Variants in RNF123 observed in about 807,000 individuals in gnomAD.
RNF123 encodes the protein ring finger protein 123, also known as E3 ubiquitin-protein ligase RNF123.
A neutral mutation model predicts 168.5 loss-of-function variants in RNF123; 86 were observed. The ratio of observed to expected loss-of-function variants is 0.51; its 90% CI spans 0.43 to 0.61. The LOEUF (loss-of-function observed/expected upper bound fraction) is 0.61, where lower values mean the gene tolerates loss of function less well. RNF123 is among the 20% of genes least tolerant of loss of function. The probability of loss-of-function intolerance (pLI) is 0.00; values close to 1 mark genes in which losing one functional copy is unlikely to be tolerated. For missense variants in RNF123, 1,419 were observed against 1,729.7 expected (o/e 0.82, Z 3.19); for synonymous variants, 666 against 689.1 (o/e 0.97, Z 0.52).
chr3:49,690,491 A>G (rs1029895712), intron 1 of RNF123, among the ~76,000 whole-genome samples: 1 of 152,246 alleles, frequency 6.6e-6, no homozygotes, highest in Non-Finnish European at 1.5e-5. Flanking sequence ...TGAGGGATAG[A>G]TGCACTAGGA....
chr3:49,709,230 C>T (rs1293578394), intron 26 of RNF123, among the ~76,000 whole-genome samples: 1 of 151,786 alleles, frequency 6.6e-6, no homozygotes, highest in South Asian at 2.1e-4. Context: ...CTCCCAGGTT[C>T]AAGCAATTCT....
At position 49,718,686 on chromosome 3, in the gene RNF123, G is replaced by A. The variant is rs775612321; in HGVS notation, c.3501-1825G>A. On this transcript the variant is annotated intron_variant, in intron 35 of 38. Transcript: ENST00000327697. ...CGCGGCTGTGCTGGAAGAAGCGCAC[G>A]CGGGACGCGGGTACCTTGAAGGCCA... 6.2e-7 allele frequency: 1 copy of A among 1,612,954 alleles called. No individual in the cohort carries two copies. Among genetic ancestry groups the A allele is most frequent in the South Asian group, 1.1e-5 (1 of 91,076 alleles).
At chr3:49,695,091 G>A (rs2054241708) in intron 3 of RNF123, among the ~76,000 whole-genome samples, 1 of 152,192 alleles carries the variant, frequency 6.6e-6, no homozygotes, top group African/African-American at 2.4e-5. Flanking sequence ...TTTGGGGTCA[G>A]GTACAAGAGT....
In RNF123 at chr3:49,716,190, A is replaced by G; in HGVS notation, c.3415+13A>G. On this transcript the variant is annotated intron_variant, in intron 34 of 38. Transcript: ENST00000327697. ...CTACGGCTGCCTGGTGAGGACCTAGATGCCCTGCACCCCAACACACTACAG... is the reference window on the plus strand; with the variant it reads ...CTACGGCTGCCTGGTGAGGACCTAGGTGCCCTGCACCCCAACACACTACAG... 6.2e-7 allele frequency: 1 copy of G among 1,613,152 alleles called. No homozygotes were observed. Among genetic ancestry groups the G allele is most frequent in the Non-Finnish European group, 8.5e-7 (1 of 1,179,554 alleles).
intron 23 of RNF123, 92 bp downstream of exon 23, chr3:49,705,274 C>A (rs957359468): frequency 3.5e-6 from 5 of 1,429,520 alleles, no homozygotes; most frequent in Non-Finnish European, 4.8e-6. Context: ...CACCCCATGC[C>A]CTCCCAGCCC....
chr3:49,715,361 A>G, intron 31 of RNF123: 1 of 610,370 alleles, frequency 1.6e-6, no homozygotes, highest in Non-Finnish European at 2.9e-6. Context: ...ACACAGCTGC[A>G]GCCTGGGGCT....
At chr3:49,691,008 A>G (rs536809988) in intron 1 of RNF123, 122 bp from the exon 2 acceptor site, 18 of 607,328 alleles carry the variant, frequency 3.0e-5, no homozygotes, top group South Asian at 2.3e-4. Context: ...CCCCTGCCCT[A>G]TGTGTTAGTG....
chr3:49,711,664 GAC>G (rs2080147293), intron 26 of RNF123, among the ~76,000 whole-genome samples: 1 of 152,210 alleles, frequency 6.6e-6, no homozygotes, highest in East Asian at 1.9e-4. Flanking sequence ...CGCACTCCAA[GAC>G]ACACGGGTGC....
intron 35 of RNF123, chr3:49,719,315 C>T (rs1204371515): frequency 1.2e-6 from 2 of 1,613,274 alleles, no homozygotes; most frequent in Non-Finnish European, 1.7e-6. Flanking sequence ...TCCTGCAGCC[C>T]TAGGCCAGTG....
rs776207744 is a variant in RNF123 at position 49,716,119 on chromosome 3, G to A, written c.3357G>A (p.Leu1119=). 4.1e-5 allele frequency: 66 copies of A among 1,613,654 alleles called. No homozygotes were observed. The South Asian group carries it at 6.2e-4, about 15-fold the overall frequency. ...RRLAQLLNQV[L]NRVTAERNLF... is the part of the protein sequence containing the mutation. ...CCTCACAGCTGCTAAACCAGGTGCT[G>A]AACCGGGTGACAGCTGAGAGGAACC... Residue 1119 remains leucine (L), a synonymous_variant, in exon 34 of 39, where the codon CTG becomes CTA. Transcript: ENST00000327697.
chr3:49,690,203 ACT>A lies in RNF123; in HGVS notation c.-37+600_-37+601del, dbSNP rs781196038. On this transcript the variant is annotated intron_variant, in intron 1 of 38. Transcript: ENST00000327697. The stretch of plus-strand genomic sequence containing the variant: ...GGCTAAGGCAGTGCTGCAGAGCGAA[ACT>A]CTAGACCTGCGCTGTCTAATAGAAC... Among the ~76,000 whole-genome samples the A allele has an allele frequency of 5.3e-5, 8 of 152,226 alleles. No homozygotes were observed. In the East Asian group the frequency reaches 7.7e-4, roughly 15 times the overall value.
At chr3:49,716,321 C>A (rs2080243985) in intron 34 of RNF123, 72 bp from the exon 35 acceptor site, 3 of 1,554,738 alleles carry the variant, frequency 1.9e-6, no homozygotes, top group South Asian at 1.1e-5. Context: ...GTAGAGAGGG[C>A]AGTGGGCAGG....
At position 49,721,197 on chromosome 3, in the gene RNF123, C is replaced by T. The variant is rs199933786; in HGVS notation, c.3837C>T (p.Asn1279=). ...CGHKSCKACI[N]QHLMNNKDCF... is the part of the protein sequence containing the mutation. ...TCCCCTGTTGTAGAGCCTGTATCAA[C>T]CAGCACCTGATGAACAACAAGGACT... The change falls in exon 39 of 39, where the codon AAC becomes AAT. Residue 1279 remains asparagine, a synonymous_variant. Transcript: ENST00000327697. The T allele has an allele frequency of 6.2e-7, 1 of 1,614,234 alleles. No individual in the cohort carries two copies. Among genetic ancestry groups the T allele is most frequent in the African/African-American group, 1.3e-5 (1 of 75,052 alleles).
chr3:49,698,821 C>A lies in RNF123; in HGVS notation c.637C>A (p.Leu213Met), dbSNP rs200446137. ...GGATGATGGCACTCTGTCCTTCTGC[C>A]TGTGAGTTTCCTATCTCTATGCACA... is the stretch of plus-strand genomic sequence containing the variant. ...DLDDGTLSFC[L>M]NGVSLGTAFE... is the part of the protein sequence containing the mutation. The change falls in exon 9 of 39, where the codon CTG (leucine) becomes ATG (methionine). Residue 213 changes from leucine to methionine, a missense_variant and splice_region_variant. Coordinates refer to ENST00000327697, the MANE Select transcript of RNF123 (RefSeq NM_022064.5). 4.3e-6 allele frequency: 7 copies of A among 1,613,946 alleles called. No individual in the cohort carries two copies. The Admixed American group carries it at 1.2e-4, about 27-fold the overall frequency.
Position 49,701,579 on chromosome 3 carries a change from AC to A in RNF123, c.1368del (p.Trp457GlyfsTer16). ...EAGLQELIPT[T>X]WWPHCSSREG... is the part of the protein sequence containing the mutation. ...CGGCCTGCAGGAGCTCATTCCCACC[AC>A]CTGGTGGCCCCACTGCTCCAGTAGG... On this transcript the variant is annotated frameshift_variant, in exon 16 of 39. Transcript: ENST00000327697. LOFTEE classifies it high-confidence loss of function. 1 of 1,613,692 alleles carries A rather than the reference AC, an allele frequency of 6.2e-7. No individual in the cohort carries two copies. The highest frequency in any genetic ancestry group is 2.2e-5 in the East Asian group (1 of 44,872).
chr3:49,701,858 G>A lies in RNF123; in HGVS notation c.1443G>A (p.Leu481=), dbSNP rs902734238. The change falls in exon 17 of 39, where the codon CTG becomes CTA. Residue 481 remains leucine, a synonymous_variant. Transcript: ENST00000327697. ...AGGAGGAGACCGCAGAGGAGCGGCT[G>A]CGGCGGCGAGCCTACGAACGGGGCT... ...EMKEETAEER[L]RRRAYERGCQ... 6 of 1,570,376 alleles carry A rather than the reference G, an allele frequency of 3.8e-6. No homozygotes were observed. The African/African-American group carries it at 4.0e-5, about 11-fold the overall frequency.
intron 12 of RNF123, 78 bp from the exon 13 acceptor site, chr3:49,700,149 C>A: frequency 1.3e-6 from 2 of 1,588,584 alleles, no homozygotes; most frequent in South Asian, 2.3e-5. Flanking sequence ...AGGCTTGTGC[C>A]TTGGCCATGT....
chr3:49,697,089 A>C, intron 3 of RNF123, 54 bp from the exon 4 acceptor site: 1 of 1,444,940 alleles, frequency 6.9e-7, no homozygotes, highest in African/African-American at 1.4e-5. Context: ...ATTTAGTGTC[A>C]TCTGGCTGAT....
chr3:49,712,978 G>T, intron 27 of RNF123: 1 of 701,810 alleles, frequency 1.4e-6, no homozygotes, highest in South Asian at 1.5e-5. Context: ...CTTGCACCTT[G>T]ACTCCCTGGC....
Sources: allele counts gnomAD v4.1 joint callset (sites outside exome capture counted in the v4.1 genomes callset), GRCh38; gene constraint gnomAD v4.1.1; transcripts MANE v1.5; gene names NCBI Gene and HGNC (gene_info 2026-07-23, HGNC 2026-07-21).